The following LRFN2 variants were observed in gnomAD, a reference collection of about 807,000 sequenced individuals.
LRFN2 encodes the protein leucine-rich repeat and fibronectin type-III domain-containing protein 2.
LRFN2 carries 18 observed loss-of-function variants against 37.3 expected under a neutral mutation model. The ratio of observed to expected loss-of-function variants is 0.48; its 90% confidence interval spans 0.33 to 0.72. The LOEUF (loss-of-function observed/expected upper bound fraction) is 0.72. Ranked by LOEUF, LRFN2 falls within the 30% of genes least tolerant of loss-of-function variation. The pLI is 0.02. For synonymous variants in LRFN2, 556 were observed against 466.6 expected (o/e 1.19, Z -2.47); for missense variants, 1,006 against 1,060.7 (o/e 0.95, Z 0.72).
intron 2 of LRFN2, among the ~76,000 whole-genome samples, chr6:40,429,330 C>T (rs954365262): frequency 3.9e-5 from 6 of 152,216 alleles, no homozygotes; most frequent in Non-Finnish European, 8.8e-5. Context: ...TAGTGTGTTG[C>T]CTTCTGGCAT....
intron 1 of LRFN2, among the ~76,000 whole-genome samples, chr6:40,511,615 G>T (rs937223719): frequency 2.6e-5 from 4 of 152,136 alleles, no homozygotes; most frequent in African/African-American, 9.7e-5. Context: ...GCAAGAGGGA[G>T]GTGCTGCAAG....
chr6:40,478,254 C>G (rs1424530121), intron 1 of LRFN2, among the ~76,000 whole-genome samples: 2 of 152,134 alleles, frequency 1.3e-5, no homozygotes, highest in African/African-American at 4.8e-5. Context: ...TTATTTGGTC[C>G]TCAGAATAAC....
chr6:40,572,041 G>A (rs1340719862), intron 1 of LRFN2, among the ~76,000 whole-genome samples: 1 of 152,222 alleles, frequency 6.6e-6, no homozygotes, highest in Non-Finnish European at 1.5e-5. Flanking sequence ...CTTCAGGACA[G>A]CAGCTACCCC....
In LRFN2 at chr6:40,559,811, C is replaced by T. The variant is rs142407656; in HGVS notation, c.-19+27130G>A. 3.6e-3 allele frequency among the ~76,000 whole-genome samples: 544 copies of T among 152,308 alleles called. 3 individuals are homozygous for T. Among genetic ancestry groups the T allele is most frequent in the African/African-American group, 0.011 (472 of 41,566 alleles). ...GCCCCCTCTGACTCCCCATCCTGGA[C>T]GGGCTCCCCAGTCTTATTCACAAAT... On this transcript the variant is annotated intron_variant, in intron 1 of 2. Transcript: ENST00000338305.
intron 1 of LRFN2, among the ~76,000 whole-genome samples, chr6:40,538,110 T>C (rs1370712464): frequency 6.6e-6 from 1 of 152,200 alleles, no homozygotes; most frequent in Non-Finnish European, 1.5e-5. Flanking sequence ...GGTCTCTCTT[T>C]GCTATTCTGA....
chr6:40,436,890 T>C (rs920094658), intron 1 of LRFN2, among the ~76,000 whole-genome samples: 9 of 152,164 alleles, frequency 5.9e-5, no homozygotes, highest in Non-Finnish European at 1.2e-4. Context: ...GGCTACGGCA[T>C]CTGCTCAAAT....
intron 2 of LRFN2, among the ~76,000 whole-genome samples, chr6:40,425,766 A>G (rs1166984345): frequency 6.6e-6 from 1 of 152,258 alleles, no homozygotes; most frequent in African/African-American, 2.4e-5. Flanking sequence ...GTGTGTACTC[A>G]GGAAGAGCAA....
chr6:40,441,720 C>T (rs1297378210), intron 1 of LRFN2, among the ~76,000 whole-genome samples: 3 of 152,160 alleles, frequency 2.0e-5, no homozygotes, highest in East Asian at 1.9e-4. Flanking sequence ...TCAGCCTCCA[C>T]TCCAGCCTAC....
At chr6:40,433,494 T>C (rs1381367465) in intron 1 of LRFN2, among the ~76,000 whole-genome samples, 1 of 152,160 alleles carries the variant, frequency 6.6e-6, no homozygotes, top group Non-Finnish European at 1.5e-5. Context: ...TCAATAACTA[T>C]CTGTTGGATG....
At chr6:40,568,598 A>G (rs1014710937) in intron 1 of LRFN2, among the ~76,000 whole-genome samples, 1 of 152,230 alleles carries the variant, frequency 6.6e-6, no homozygotes, top group African/African-American at 2.4e-5. Context: ...GTGCTAAATT[A>G]AAGCCTACTG....
chr6:40,481,500 G>T (rs1764832128), intron 1 of LRFN2, among the ~76,000 whole-genome samples: 1 of 151,236 alleles, frequency 6.6e-6, no homozygotes, highest in Admixed American at 6.6e-5. Context: ...CTGAAAAGCA[G>T]TCCCTGGTTC....
intron 1 of LRFN2, among the ~76,000 whole-genome samples, chr6:40,463,510 A>G (rs1311188187): frequency 6.6e-6 from 1 of 152,034 alleles, no homozygotes; most frequent in Non-Finnish European, 1.5e-5. Context: ...GTGTTTGAAC[A>G]TCTTCCAATG....
intron 1 of LRFN2, among the ~76,000 whole-genome samples, chr6:40,457,665 G>A (rs1764264237): frequency 1.3e-5 from 2 of 149,740 alleles, no homozygotes; most frequent in African/African-American, 2.4e-5. Context: ...AAAAAGAGAG[G>A]GAGAGAAAGG....
intron 1 of LRFN2, among the ~76,000 whole-genome samples, chr6:40,519,639 C>T (rs763140438): frequency 6.6e-6 from 1 of 152,198 alleles, no homozygotes; most frequent in East Asian, 1.9e-4. Flanking sequence ...ATGTGCACAG[C>T]CTCTCCAGTC....
At position 40,432,597 on chromosome 6, in the gene LRFN2, C is replaced by T. The variant is rs772659674; in HGVS notation, c.517G>A (p.Val173Ile). The T allele has an allele frequency of 8.1e-6, 13 of 1,614,208 alleles. No individual in the cohort carries two copies. In the South Asian group the frequency reaches 1.4e-4, roughly 18 times the overall value. ...TCCAGGCTCAGCTGGTGGAGGTTGA[C>T]CATGCGTCGCACGGAGTCCCACGGC... is the stretch of plus-strand genomic sequence containing the variant. The part of the protein sequence containing the change: ...GLPWDSVRRM[V>I]NLHQLSLDHN... Residue 173 changes from valine to isoleucine, a missense_variant, in exon 2 of 3, where the codon GTC (valine) becomes ATC (isoleucine). By Grantham distance (29) the Val-to-Ile change is conservative (BLOSUM62 3). Around this residue, in one of 4 missense-constraint regions of LRFN2, gnomAD observed 185 missense variants for 254.9 expected, o/e 0.73. Transcript: ENST00000338305.
At chr6:40,558,445 G>A (rs968279505) in intron 1 of LRFN2, among the ~76,000 whole-genome samples, 43 of 152,322 alleles carry the variant, frequency 2.8e-4, no homozygotes, top group African/African-American at 9.9e-4. Flanking sequence ...AGATGGATCT[G>A]CCTCTGGCTG....
At chr6:40,476,839 ATCT>A (rs1013699752) in intron 1 of LRFN2, among the ~76,000 whole-genome samples, 42 of 152,322 alleles carry the variant, frequency 2.8e-4, no homozygotes, top group African/African-American at 9.6e-4. Context: ...CCCAATGGAC[ATCT>A]TCTGCCCCAG....
Position 40,428,013 on chromosome 6 carries a change from T to C in LRFN2, c.1400+3701A>G, listed in dbSNP as rs528715559. 1.1e-4 allele frequency among the ~76,000 whole-genome samples: 16 copies of C among 152,370 alleles called. 1 individual carries two copies. The highest frequency in any genetic ancestry group is 3.4e-4 in the African/African-American group (14 of 41,590). On this transcript the variant is annotated intron_variant, in intron 2 of 2. Coordinates refer to ENST00000338305, the MANE Select transcript of LRFN2 (RefSeq NM_020737.3). Reference sequence around the variant, plus strand: ...GCTGCCTGCATTCAGATTCCATCTCTGCTACTTACCCCCTGTTTAACACCT... The same window carrying C: ...GCTGCCTGCATTCAGATTCCATCTCCGCTACTTACCCCCTGTTTAACACCT...
chr6:40,485,572 A>G lies in LRFN2; in HGVS notation c.-18-52441T>C, dbSNP rs151214452. ...TAGTGACAAGATAAACTCCTCCAAC[A>G]TCGACAGCAAGGCTCTGAAATGCCC... On this transcript the variant is annotated intron_variant, in intron 1 of 2. Transcript: ENST00000338305. Among the ~76,000 whole-genome samples the G allele has an allele frequency of 6.6e-5, 10 of 152,350 alleles. No individual in the cohort carries two copies. The East Asian group carries it at 1.7e-3, about 26-fold the overall frequency.
Sources: allele counts gnomAD v4.1 joint callset (sites outside exome capture counted in the v4.1 genomes callset), GRCh38; gene constraint gnomAD v4.1.1; regional missense constraint gnomAD v4.1.1; transcripts MANE v1.5; gene names NCBI Gene and HGNC (gene_info 2026-07-23, HGNC 2026-07-21).